Variants in ADAMTSL1 observed in about 807,000 individuals in gnomAD.
The protein encoded by ADAMTSL1 is ADAMTS like 1.
A neutral mutation model predicts 201.8 loss-of-function variants in ADAMTSL1; 126 were observed. The observed-to-expected ratio is 0.62, with a 90% CI of 0.54 to 0.72. The LOEUF (loss-of-function observed/expected upper bound fraction) is 0.72, where lower values mean the gene tolerates loss of function less well. Among genes scored for constraint, ADAMTSL1 ranks in the 30% least tolerant of loss-of-function variants. ADAMTSL1 has a pLI of 0.00. For synonymous variants in ADAMTSL1, 1,121 were observed against 903.4 expected (o/e 1.24, Z -4.32); for missense variants, 2,679 against 2,277.8 (o/e 1.18, Z -3.59).
chr9:18,778,977 T>G (rs1223872645), intron 19 of ADAMTSL1, among the ~76,000 whole-genome samples: 1 of 152,248 alleles, frequency 6.6e-6, no homozygotes, highest in Non-Finnish European at 1.5e-5. Flanking sequence ...TGCTATTGTT[T>G]GACTAATAGT....
intron 23 of ADAMTSL1, among the ~76,000 whole-genome samples, chr9:18,874,970 T>C (rs1209772645): frequency 1.3e-5 from 2 of 152,158 alleles, no homozygotes; most frequent in Non-Finnish European, 1.5e-5. Context: ...TCAGAGTTTC[T>C]GTTTTTTCCT....
At chr9:18,895,538 G>A (rs138355629) in intron 26 of ADAMTSL1, among the ~76,000 whole-genome samples, 123 of 152,042 alleles carry the variant, frequency 8.1e-4, no homozygotes, top group African/African-American at 3.0e-3. Flanking sequence ...AGAGATTATG[G>A]GTGGAGACTG....
At chr9:18,766,845 G>T (rs1048995606) in intron 16 of ADAMTSL1, among the ~76,000 whole-genome samples, 1 of 152,178 alleles carries the variant, frequency 6.6e-6, no homozygotes, top group African/African-American at 2.4e-5. Context: ...TAGGATTTCA[G>T]CGTGTGAATT....
intron 2 of ADAMTSL1, among the ~76,000 whole-genome samples, chr9:18,222,209 G>T (rs934869251): frequency 8.6e-5 from 13 of 151,422 alleles, no homozygotes; most frequent in African/African-American, 3.1e-4. Context: ...AGCTAATTTT[G>T]TTTTTGCTTT....
intron 1 of ADAMTSL1, among the ~76,000 whole-genome samples, chr9:18,123,236 A>G (rs1286401632): frequency 1.3e-5 from 2 of 152,196 alleles, no homozygotes; most frequent in African/African-American, 4.8e-5. Flanking sequence ...TGTGATTATA[A>G]CAAGACACAT....
intron 22 of ADAMTSL1, among the ~76,000 whole-genome samples, chr9:18,829,128 G>C (rs763247797): frequency 3.9e-5 from 6 of 152,108 alleles, no homozygotes; most frequent in Non-Finnish European, 5.9e-5. Flanking sequence ...CTCTTTATTT[G>C]TCCAGCAGAA....
intron 3 of ADAMTSL1, among the ~76,000 whole-genome samples, chr9:18,554,397 T>G (rs1359638663): frequency 6.6e-6 from 1 of 151,822 alleles, no homozygotes; most frequent in Non-Finnish European, 1.5e-5. Flanking sequence ...TTGTTGGAAT[T>G]TAAGAGGGAG....
At chr9:18,254,578 T>C (rs1454317266) in intron 2 of ADAMTSL1, among the ~76,000 whole-genome samples, 1 of 151,750 alleles carries the variant, frequency 6.6e-6, no homozygotes, top group Non-Finnish European at 1.5e-5. Context: ...TTAGCCAGGA[T>C]GGTCTCGATC....
intron 2 of ADAMTSL1, among the ~76,000 whole-genome samples, chr9:18,467,926 C>G (rs1821067894): frequency 6.6e-6 from 1 of 152,216 alleles, no homozygotes; most frequent in South Asian, 2.1e-4. Context: ...TTGTCTGGCT[C>G]TGGTATAATT....
chr9:18,338,430 ATT>A, intron 2 of ADAMTSL1, among the ~76,000 whole-genome samples: 1 of 151,676 alleles, frequency 6.6e-6, no homozygotes, highest in Admixed American at 6.6e-5. Flanking sequence ...TATGTAACTG[ATT>A]ATCCCCTTTT....
chr9:18,787,177 T>A (rs1410376394), intron 19 of ADAMTSL1, among the ~76,000 whole-genome samples: 1 of 152,204 alleles, frequency 6.6e-6, no homozygotes, highest in African/African-American at 2.4e-5. Flanking sequence ...CTTGTTTCCC[T>A]TATAGAGCTA....
chr9:18,396,384 T>A (rs1482274340), intron 2 of ADAMTSL1, among the ~76,000 whole-genome samples: 2 of 151,910 alleles, frequency 1.3e-5, no homozygotes, highest in Non-Finnish European at 2.9e-5. Context: ...CTAAGTCTCT[T>A]GTGCTGCAGT....
rs537100158 is a variant in ADAMTSL1 at position 17,909,148 on chromosome 9, G to A, written c.87+2226G>A. 2.2e-3 allele frequency among the ~76,000 whole-genome samples: 314 copies of A among 143,662 alleles called. 2 individuals are homozygous for A. The highest frequency in any genetic ancestry group is 7.1e-3 in the African/African-American group (287 of 40,322). 94.2% of individuals were successfully genotyped at this position (143,662 alleles called of 152,430 possible). Reference sequence around the variant, plus strand: ...TGAGAAGTGTCTGTTCATGTCCTTCGCCCACTTTTTGATGGGGTTGTTTGT... The same window carrying A: ...TGAGAAGTGTCTGTTCATGTCCTTCACCCACTTTTTGATGGGGTTGTTTGT... On this transcript the variant is annotated intron_variant, in intron 1 of 29. Transcript: ENST00000680146.
intron 2 of ADAMTSL1, among the ~76,000 whole-genome samples, chr9:18,514,430 CGCCATTCTCCT>C (rs1818242231): frequency 6.7e-6 from 1 of 149,820 alleles, no homozygotes; most frequent in Admixed American, 6.7e-5. Context: ...CCGGGGTTCA[CGCCATTCTCCT>C]GCCTCAGCCT....
chr9:17,927,993 T>G (rs1410509878), intron 1 of ADAMTSL1, among the ~76,000 whole-genome samples: 1 of 146,398 alleles, frequency 6.8e-6, no homozygotes, highest in Admixed American at 6.8e-5. Context: ...TTTTCTTTCT[T>G]TCTTTTTTTT....
chr9:18,307,022 A>G (rs1833936402), intron 2 of ADAMTSL1, among the ~76,000 whole-genome samples: 1 of 152,226 alleles, frequency 6.6e-6, no homozygotes, highest in African/African-American at 2.4e-5. Flanking sequence ...AAGCCAGAAT[A>G]GAGTGGGGGC....
intron 1 of ADAMTSL1, among the ~76,000 whole-genome samples, chr9:18,029,738 G>C (rs892728688): frequency 3.3e-5 from 5 of 152,126 alleles, no homozygotes; most frequent in African/African-American, 1.2e-4. Flanking sequence ...GTGGGTGAAG[G>C]ATATGAATAG....
At chr9:18,470,482 G>T (rs1476245707), upstream of ADAMTSL1, among the ~76,000 whole-genome samples, 1 of 151,570 alleles carries the variant, frequency 6.6e-6, no homozygotes, top group Admixed American at 6.6e-5. Context: ...GGAAAACAAG[G>T]CTCAGATGCT....
intron 13 of ADAMTSL1, chr9:18,685,028 G>GAAGA (rs1564149478): frequency 8.2e-7 from 1 of 1,215,488 alleles, no homozygotes; most frequent in East Asian, 3.8e-5. Context: ...TGAAGGTGTA[G>GAAGA]TGCTTACCCT....
Sources: allele counts gnomAD v4.1 joint callset (sites outside exome capture counted in the v4.1 genomes callset), GRCh38; gene constraint gnomAD v4.1.1; transcripts MANE v1.5; gene names NCBI Gene and HGNC (gene_info 2026-07-23, HGNC 2026-07-21).